The following NSMAF variants were observed in gnomAD, a reference collection of about 807,000 sequenced individuals.
NSMAF encodes neutral sphingomyelinase activation associated factor, also known as protein FAN.
NSMAF carries 90 observed loss-of-function variants against 134.9 expected under a neutral mutation model. The ratio of observed to expected loss-of-function variants is 0.67; its 90% CI spans 0.56 to 0.79. The LOEUF is 0.79. Among genes scored for constraint, NSMAF ranks in the 30% least tolerant of loss-of-function variants. The pLI is 0.00. For missense variants in NSMAF, 1,010 were observed against 1,119.0 expected (o/e 0.90, Z 1.39); for synonymous variants, 358 against 389.6 (o/e 0.92, Z 0.96).
intron 1 of NSMAF, among the ~76,000 whole-genome samples, chr8:58,655,832 G>C (rs1346562055): frequency 6.6e-6 from 1 of 151,558 alleles, no homozygotes; most frequent in African/African-American, 2.4e-5. Context: ...GCGTGAACCC[G>C]GGAGGCGGAA....
intron 6 of NSMAF, among the ~76,000 whole-genome samples, chr8:58,626,461 A>G (rs1806934252): frequency 6.6e-6 from 1 of 152,154 alleles, no homozygotes; most frequent in African/African-American, 2.4e-5. Flanking sequence ...AGAACATACA[A>G]TAATCTGGTT....
intron 5 of NSMAF, among the ~76,000 whole-genome samples, chr8:58,632,152 C>T (rs567140663): frequency 6.6e-6 from 1 of 152,266 alleles, no homozygotes; most frequent in Non-Finnish European, 1.5e-5. Flanking sequence ...AATGTGAACA[C>T]CTCCCCAAAC....
chr8:58,589,739 G>T, intron 25 of NSMAF, 164 bp from the exon 26 acceptor site: 1 of 779,728 alleles, frequency 1.3e-6, no homozygotes, highest in Non-Finnish European at 1.9e-6. Flanking sequence ...TTCAAAATTT[G>T]AATTTAAAAT....
intron 18 of NSMAF, 158 bp from the exon 19 acceptor site, chr8:58,599,521 T>G (rs971780708): frequency 2.0e-6 from 2 of 1,004,298 alleles, no homozygotes; most frequent in Non-Finnish European, 2.8e-6. Flanking sequence ...GTAAGTTTTT[T>G]GGGGAAAAAA....
In NSMAF at chr8:58,586,524, T is replaced by C; in HGVS notation, c.2380A>G (p.Thr794Ala). Residue 794 changes from threonine (T) to alanine (A), a missense_variant, in exon 28 of 31, where the codon ACG becomes GCG. Physicochemically the swap from Thr to Ala is moderately conservative, Grantham distance 58. Coordinates refer to ENST00000038176, the MANE Select transcript of NSMAF (RefSeq NM_003580.4). ...EGTVNIWDLT[T>A]ATLMHQIPCH... ...GGAATCTGGTGCATTAAGGTGGCCG[T>C]TGTGAGGTCCCAAATATTCACTGTG... The C allele has an allele frequency of 6.2e-7, 1 of 1,613,850 alleles. No homozygotes were observed. Among genetic ancestry groups the C allele is most frequent in the Non-Finnish European group, 8.5e-7 (1 of 1,179,986 alleles).
At chr8:58,599,542 T>C in intron 18 of NSMAF, 179 bp from the exon 19 acceptor site, 1 of 905,048 alleles carries the variant, frequency 1.1e-6, no homozygotes, top group South Asian at 2.0e-5. Context: ...GTGGCAAGAA[T>C]CATTTTCACA....
intron 23 of NSMAF, among the ~76,000 whole-genome samples, chr8:58,592,235 T>C (rs1806035951): frequency 6.6e-6 from 1 of 152,196 alleles, no homozygotes; most frequent in Non-Finnish European, 1.5e-5. Flanking sequence ...AAGATGTTTT[T>C]CTCTCCTTGA....
chr8:58,594,413 G>C, intron 22 of NSMAF, 123 bp from the exon 23 acceptor site: 1 of 839,714 alleles, frequency 1.2e-6, no homozygotes, highest in East Asian at 2.6e-5. Flanking sequence ...CATGTCTGCC[G>C]GATCTGTCCC....
chr8:58,590,541 C>T (rs1191546673), intron 24 of NSMAF, among the ~76,000 whole-genome samples: 1 of 152,136 alleles, frequency 6.6e-6, no homozygotes, highest in Non-Finnish European at 1.5e-5. Flanking sequence ...TATTAGATAT[C>T]CTACCAACTC....
intron 2 of NSMAF, among the ~76,000 whole-genome samples, chr8:58,637,042 C>CACACA (rs1563541180): frequency 3.9e-4 from 55 of 142,480 alleles, no homozygotes; most frequent in African/African-American, 1.5e-3. Flanking sequence ...ACACACACAC[C>CACACA]CACACACAAA....
chr8:58,659,684 TGCCGAGGAGGTCCGGAGGA>T lies in NSMAF; in HGVS notation c.-72_-54del. The T allele has an allele frequency of 2.3e-6, 3 of 1,328,754 alleles. No homozygotes were observed. Among genetic ancestry groups the T allele is most frequent in the Non-Finnish European group, 2.9e-6 (3 of 1,030,720 alleles). The allele number at this position is 1,328,754 out of a possible 1,614,324, so 82.3% of individuals were successfully genotyped here. A position where few individuals can be genotyped will look rare whatever the true frequency, so the allele number is the denominator to read the frequency against. On this transcript the variant is annotated 5_prime_UTR_variant, in exon 1 of 31. Coordinates refer to ENST00000038176, the MANE Select transcript of NSMAF (RefSeq NM_003580.4). The stretch of plus-strand genomic sequence containing the variant: ...CGCACAGGCAGGCCCCGCCGCCGCC[TGCCGAGGAGGTCCGGAGGA>T]GCCGGGGAGGGCGGGATTGGTGGCC...
intron 13 of NSMAF, 138 bp from the exon 14 acceptor site, chr8:58,602,275 G>T: frequency 1.7e-6 from 1 of 592,250 alleles, no homozygotes; most frequent in Non-Finnish European, 2.8e-6. Context: ...ATTTTTGTTA[G>T]TTATTTATGT....
chr8:58,585,725 G>A lies in NSMAF; in HGVS notation c.2586C>T (p.Gly862=). 1 of 1,614,122 alleles carries A rather than the reference G, an allele frequency of 6.2e-7. No individual in the cohort carries two copies. ...FVWDGNSVLS[G]SQSGELLVWD... is the part of the protein sequence containing the mutation. Reference sequence around the variant, plus strand: ...AAACGAGCAGTTCACCAGACTGACTGCCAGATAAAACGGAATTTCCATCCC... The same window carrying A: ...AAACGAGCAGTTCACCAGACTGACTACCAGATAAAACGGAATTTCCATCCC... The change falls in exon 30 of 31, where the codon GGC becomes GGT. Residue 862 remains glycine, a synonymous_variant. Transcript: ENST00000038176.
In NSMAF at chr8:58,594,232, CTTGGGATG is replaced by C. The variant is rs1327373292; in HGVS notation, c.1943_1950del (p.Thr648ArgfsTer9). 1 of 1,613,980 alleles carries C rather than the reference CTTGGGATG, an allele frequency of 6.2e-7. No homozygotes were observed. The highest frequency in any genetic ancestry group is 2.2e-5 in the East Asian group (1 of 44,888). On this transcript the variant is annotated frameshift_variant and splice_region_variant, in exon 23 of 31. Coordinates refer to ENST00000038176, the MANE Select transcript of NSMAF (RefSeq NM_003580.4). LOFTEE classifies it high-confidence loss of function. ...CCGCCTTTCGGGGAGGAACACTGAC[CTTGGGATG>C]TTGTGAATACTGAAGATCCATTGCG...
At chr8:58,600,714 A>G (rs577062905) in intron 16 of NSMAF, among the ~76,000 whole-genome samples, 1 of 152,052 alleles carries the variant, frequency 6.6e-6, no homozygotes, top group Non-Finnish European at 1.5e-5. Flanking sequence ...AGAGTTCAAA[A>G]AAAATGAAAA....
At chr8:58,625,615 A>C (rs1806912563) in intron 6 of NSMAF, among the ~76,000 whole-genome samples, 1 of 152,154 alleles carries the variant, frequency 6.6e-6, no homozygotes, top group Non-Finnish European at 1.5e-5. Flanking sequence ...CTGTTGTTTG[A>C]TTACCAAGCA....
intron 1 of NSMAF, 39 bp downstream of exon 1, chr8:58,659,534 T>A (rs1182750153): frequency 6.6e-7 from 1 of 1,520,050 alleles, no homozygotes; most frequent in East Asian, 2.7e-5. Context: ...CGGCCCCGAC[T>A]AGGCCCCCGG....
intron 10 of NSMAF, among the ~76,000 whole-genome samples, chr8:58,608,286 C>T (rs760635541): frequency 2.6e-5 from 4 of 152,176 alleles, no homozygotes; most frequent in Non-Finnish European, 5.9e-5. Context: ...TTAAAAATTA[C>T]AGTGTATTAA....
At chr8:58,602,246 A>T (rs1416689969) in intron 13 of NSMAF, 109 bp from the exon 14 acceptor site, 1 of 756,126 alleles carries the variant, frequency 1.3e-6, no homozygotes, top group Non-Finnish European at 2.1e-6. Flanking sequence ...TTAAAAATTG[A>T]GAGCAATCCA....
Sources: gnomAD v4.1 joint callset for allele counts (sites outside exome capture counted in the v4.1 genomes callset) on GRCh38, gnomAD v4.1.1 for gene constraint, MANE v1.5 for transcripts, NCBI Gene and HGNC (gene_info 2026-07-23, HGNC 2026-07-21) for gene names.